The following SDK1 variants were observed in gnomAD, a reference collection of about 807,000 sequenced individuals.
SDK1 encodes the protein sidekick cell adhesion molecule 1.
Under a neutral mutation model 245.5 loss-of-function variants are expected in SDK1, and 157 were observed. The ratio of observed to expected loss-of-function variants is 0.64; its 90% CI spans 0.56 to 0.73. The LOEUF is 0.73. Among genes scored for constraint, SDK1 ranks in the 30% least tolerant of loss-of-function variants. The pLI, the probability that SDK1 is intolerant of heterozygous loss-of-function variation, is 0.00. For synonymous variants in SDK1, 1,647 were observed against 1,278.5 expected (o/e 1.29, Z -6.15); for missense variants, 3,583 against 3,002.3 (o/e 1.19, Z -4.52).
chr7:3,841,421 G>T (rs1043948382), intron 5 of SDK1, among the ~76,000 whole-genome samples: 2 of 152,194 alleles, frequency 1.3e-5, no homozygotes, highest in Non-Finnish European at 2.9e-5. Context: ...AAAACCATTT[G>T]CTTGGCAGCA....
At chr7:4,232,345 G>C (rs1464586666) in intron 40 of SDK1, among the ~76,000 whole-genome samples, 2 of 133,464 alleles carry the variant, frequency 1.5e-5, no homozygotes, top group Non-Finnish European at 3.2e-5. Context: ...ATGCTATAGT[G>C]TCATAAGTTT....
intron 4 of SDK1, among the ~76,000 whole-genome samples, chr7:3,788,813 T>C (rs535532044): frequency 6.6e-6 from 1 of 152,336 alleles, no homozygotes; most frequent in East Asian, 1.9e-4. Context: ...AAAAGCATCA[T>C]TCGCCCTTGC....
At chr7:4,251,018 C>G (rs1583177453) in intron 44 of SDK1, among the ~76,000 whole-genome samples, 1 of 152,176 alleles carries the variant, frequency 6.6e-6, no homozygotes, top group African/African-American at 2.4e-5. Flanking sequence ...TTTCATATAA[C>G]AGACTCATGC....
At chr7:4,016,634 ATAGT>A (rs934368058) in intron 16 of SDK1, among the ~76,000 whole-genome samples, 1 of 152,226 alleles carries the variant, frequency 6.6e-6, no homozygotes, top group Non-Finnish European at 1.5e-5. Context: ...GCAATTTGTC[ATAGT>A]TAGTACTGGA....
intron 35 of SDK1, among the ~76,000 whole-genome samples, chr7:4,191,512 G>A (rs200893206): frequency 3.3e-5 from 5 of 152,252 alleles, no homozygotes; most frequent in Non-Finnish European, 7.3e-5. Flanking sequence ...AGGTCGCCAC[G>A]CTGGCAGCCA....
At chr7:3,364,742 T>C (rs1781044656) in intron 1 of SDK1, among the ~76,000 whole-genome samples, 1 of 152,190 alleles carries the variant, frequency 6.6e-6, no homozygotes, top group Admixed American at 6.5e-5. Flanking sequence ...TTTTCAAAAT[T>C]GTTTCTGGTT....
intron 4 of SDK1, among the ~76,000 whole-genome samples, chr7:3,687,011 G>C (rs1187280091): frequency 6.7e-6 from 1 of 149,208 alleles, no homozygotes; most frequent in East Asian, 1.9e-4. Context: ...GGAGATCTGA[G>C]TGGCTTCTAG....
At chr7:3,572,475 G>T (rs988292591) in intron 1 of SDK1, among the ~76,000 whole-genome samples, 5 of 151,970 alleles carry the variant, frequency 3.3e-5, no homozygotes, top group African/African-American at 9.7e-5. Context: ...TATAAACTGC[G>T]CAGACCAATG....
chr7:3,582,624 C>T (rs1190330854), intron 1 of SDK1, among the ~76,000 whole-genome samples: 1 of 146,680 alleles, frequency 6.8e-6, no homozygotes, highest in Non-Finnish European at 1.5e-5. Context: ...TGTAATGAAC[C>T]CTCGTGACAT....
At chr7:4,102,580 A>G (rs1782626997) in intron 22 of SDK1, among the ~76,000 whole-genome samples, 1 of 152,070 alleles carries the variant, frequency 6.6e-6, no homozygotes, top group East Asian at 1.9e-4. Flanking sequence ...GGATGAGGTT[A>G]ATGACTCTCC....
chr7:4,135,691 G>A (rs1077472), intron 28 of SDK1, among the ~76,000 whole-genome samples: 48,458 of 152,116 alleles, frequency 0.32, 8,963 homozygotes, highest in Non-Finnish European at 0.42. Flanking sequence ...ATCCCTCAAA[G>A]GGGAAGCACA....
intron 1 of SDK1, among the ~76,000 whole-genome samples, chr7:3,569,461 C>T (rs577066232): frequency 6.6e-6 from 1 of 152,348 alleles, no homozygotes; most frequent in East Asian, 1.9e-4. Context: ...CTTGAGAAGT[C>T]TGGAGGAGAG....
intron 26 of SDK1, among the ~76,000 whole-genome samples, chr7:4,129,176 C>T (rs1380757937): frequency 7.0e-6 from 1 of 143,146 alleles, no homozygotes; most frequent in African/African-American, 2.6e-5. Context: ...AGGAGAGCAC[C>T]TTGGGGTAGG....
At chr7:3,339,316 C>T (rs1050529553) in intron 1 of SDK1, among the ~76,000 whole-genome samples, 7 of 152,064 alleles carry the variant, frequency 4.6e-5, no homozygotes, top group Non-Finnish European at 5.9e-5. Flanking sequence ...ATAAATTTAA[C>T]AAATACTATA....
chr7:3,565,612 G>T (rs1024350323), intron 1 of SDK1, among the ~76,000 whole-genome samples: 2 of 152,178 alleles, frequency 1.3e-5, no homozygotes, highest in African/African-American at 4.8e-5. Context: ...TTGGTATCTG[G>T]AGGGGAGTGG....
chr7:4,238,801 G>A (rs1786346167), intron 42 of SDK1, among the ~76,000 whole-genome samples: 2 of 151,752 alleles, frequency 1.3e-5, no homozygotes, highest in African/African-American at 4.8e-5. Context: ...ACCTGCCTCA[G>A]CCTCCCAAAG....
chr7:3,344,018 C>CAAAA (rs397939224), intron 1 of SDK1, among the ~76,000 whole-genome samples: 12 of 122,542 alleles, frequency 9.8e-5, no homozygotes, highest in African/African-American at 3.1e-4. Flanking sequence ...CACATACAAC[C>CAAAA]AAAAAAAAAA....
At chr7:3,326,688 A>AT (rs1243320593) in intron 1 of SDK1, among the ~76,000 whole-genome samples, 3 of 152,006 alleles carry the variant, frequency 2.0e-5, no homozygotes, top group South Asian at 4.2e-4. Context: ...TTTTTATTTA[A>AT]TTTTTTATCA....
intron 4 of SDK1, chr7:3,643,614 C>A (rs181849031): frequency 6.7e-6 from 1 of 150,018 alleles, no homozygotes; most frequent in East Asian, 2.0e-4. Flanking sequence ...ACCTGAGCAT[C>A]TGTGGAATCC....
Sources: gnomAD v4.1 joint callset for allele counts (sites outside exome capture counted in the v4.1 genomes callset) on GRCh38, gnomAD v4.1.1 for gene constraint, MANE v1.5 for transcripts, NCBI Gene and HGNC (gene_info 2026-07-23, HGNC 2026-07-21) for gene names.